GLIS3: variants seen among roughly 807,000 people sequenced by gnomAD.
GLIS3 encodes zinc finger protein GLIS3.
In GLIS3, 53 loss-of-function variants were observed where a neutral mutation model predicts 78.6. That is an observed-to-expected ratio of 0.67 (90% CI 0.54 to 0.85). GLIS3 has a LOEUF of 0.85. Among genes scored for constraint, GLIS3 ranks in the 40% least tolerant of loss-of-function variants. GLIS3 has a pLI of 0.00. For missense variants in GLIS3, 1,703 were observed against 1,231.1 expected (o/e 1.38, Z -5.74); for synonymous variants, 684 against 509.9 (o/e 1.34, Z -4.60).
intron 4 of GLIS3, among the ~76,000 whole-genome samples, chr9:4,045,822 T>A (rs1253941619): frequency 1.3e-5 from 2 of 152,116 alleles, no homozygotes; most frequent in African/African-American, 4.8e-5. Flanking sequence ...CCGTCAGATA[T>A]CTTTGAGTAC....
chr9:4,391,548 G>GGGGT, the GLIS3 span, among the ~76,000 whole-genome samples: 2 of 138,066 alleles, frequency 1.4e-5, no homozygotes, highest in Non-Finnish European at 3.0e-5. Flanking sequence ...CATTCTAAGA[G>GGGGT]GGGTGTGTGT....
chr9:4,384,879 G>A, the GLIS3 span, among the ~76,000 whole-genome samples: 3 of 152,024 alleles, frequency 2.0e-5, no homozygotes, highest in Admixed American at 1.3e-4. Context: ...GATCCAAACT[G>A]GGAACCTGGA....
At chr9:4,016,827 C>T (rs1488009101) in intron 4 of GLIS3, among the ~76,000 whole-genome samples, 1 of 152,156 alleles carries the variant, frequency 6.6e-6, no homozygotes, top group African/African-American at 2.4e-5. Flanking sequence ...AAAGCCACTA[C>T]AATCCTATTA....
rs759081727 is a variant in GLIS3, at chr9:4,118,080, C to A, written c.1398G>T (p.Ala466=). The change falls in exon 4 of 11, where the codon GCG becomes GCT. Residue 466 remains alanine, a synonymous_variant. Coordinates refer to ENST00000381971, the MANE Select transcript of GLIS3 (RefSeq NM_001042413.2). The surrounding 1 kb of genome is among the most constrained non-coding windows in gnomAD (Gnocchi z 4.7). The part of the protein sequence containing the change: ...PGPPPPYHAH[A]HLHHPELGPH... ...GCCCGAGCTCCGGGTGGTGAAGGTG[C>A]GCATGGGCATGGTAAGGGGGTGGGG... 4 of 1,546,220 alleles carry A rather than the reference C, an allele frequency of 2.6e-6. No individual in the cohort carries two copies. In the South Asian group the frequency reaches 3.6e-5, roughly 14 times the overall value.
intron 7 of GLIS3, among the ~76,000 whole-genome samples, chr9:3,883,829 T>C (rs899397335): frequency 6.6e-6 from 1 of 152,220 alleles, no homozygotes; most frequent in Non-Finnish European, 1.5e-5. Flanking sequence ...GAAATTCTTA[T>C]TGCTTTTGTG....
At chr9:3,882,771 AT>A (rs1483750073) in intron 7 of GLIS3, among the ~76,000 whole-genome samples, 1 of 152,196 alleles carries the variant, frequency 6.6e-6, no homozygotes, top group East Asian at 1.9e-4. Flanking sequence ...TTAGGGTTCA[AT>A]TTAAAAACTG....
the GLIS3 span, among the ~76,000 whole-genome samples, chr9:4,481,646 G>A: frequency 6.6e-6 from 1 of 151,998 alleles, no homozygotes; most frequent in African/African-American, 2.4e-5. Context: ...ATTATCTAGT[G>A]TACTTTTACA....
At chr9:4,423,704 C>G in the GLIS3 span, among the ~76,000 whole-genome samples, 1 of 152,154 alleles carries the variant, frequency 6.6e-6, no homozygotes, top group Non-Finnish European at 1.5e-5. Flanking sequence ...TGCACAAATG[C>G]CATAAGGGGT....
chr9:3,989,802 G>C (rs1372120705), intron 4 of GLIS3, among the ~76,000 whole-genome samples: 1 of 152,154 alleles, frequency 6.6e-6, no homozygotes. Context: ...GAAATGCTTA[G>C]TATCTCAACT....
chr9:4,298,831 C>T (rs535243432), intron 1 of GLIS3, among the ~76,000 whole-genome samples: 185 of 152,234 alleles, frequency 1.2e-3, no homozygotes, highest in Non-Finnish European at 1.7e-3. Flanking sequence ...ACCCTCAGCC[C>T]GACCACCTCC....
chr9:4,387,345 AGT>A, the GLIS3 span, among the ~76,000 whole-genome samples: 514 of 152,028 alleles, frequency 3.4e-3, 2 homozygotes, highest in African/African-American at 0.011. Context: ...CTTACATGAG[AGT>A]GTGACCAAAA....
chr9:4,477,965 T>C, the GLIS3 span, among the ~76,000 whole-genome samples: 47 of 152,220 alleles, frequency 3.1e-4, 1 homozygote, highest in Non-Finnish European at 1.8e-4. Flanking sequence ...CTAAGCCTTG[T>C]CCACTGAAAA....
At chr9:4,364,537 G>C in the GLIS3 span, among the ~76,000 whole-genome samples, 1 of 151,950 alleles carries the variant, frequency 6.6e-6, no homozygotes, top group Non-Finnish European at 1.5e-5. Context: ...ATAAAGTCAG[G>C]TTACAAAACA....
chr9:4,284,402 A>T (rs1000544272), intron 2 of GLIS3, among the ~76,000 whole-genome samples: 4 of 152,200 alleles, frequency 2.6e-5, no homozygotes, highest in Non-Finnish European at 5.9e-5. Context: ...AAAAGGCTTT[A>T]TCGGGCCTCA....
chr9:4,451,526 C>T, the GLIS3 span, among the ~76,000 whole-genome samples: 2 of 152,284 alleles, frequency 1.3e-5, no homozygotes, highest in East Asian at 3.9e-4. Context: ...AACTCTCCAC[C>T]CCATATCAAC....
intron 7 of GLIS3, among the ~76,000 whole-genome samples, chr9:3,885,781 C>G (rs914975228): frequency 6.6e-6 from 1 of 152,200 alleles, no homozygotes; most frequent in African/African-American, 2.4e-5. Flanking sequence ...AATTCTGATT[C>G]CCTCAGCCTC....
the GLIS3 span, among the ~76,000 whole-genome samples, chr9:4,408,452 G>A: frequency 0.012 from 1,867 of 151,402 alleles, 47 homozygotes; most frequent in African/African-American, 0.043. Context: ...AAAATAGGCC[G>A]GGCACCTTGG....
the GLIS3 span, among the ~76,000 whole-genome samples, chr9:4,453,855 G>A: frequency 2.0e-5 from 3 of 152,160 alleles, no homozygotes; most frequent in East Asian, 5.8e-4. Context: ...TCATGGGGTG[G>A]GAGGAAGGGG....
intron 2 of GLIS3, among the ~76,000 whole-genome samples, chr9:4,186,797 C>G (rs1209443233): frequency 6.6e-6 from 1 of 152,104 alleles, no homozygotes. Flanking sequence ...TAAATGTCTT[C>G]TTTTGAGAAG....
Sources: gnomAD v4.1 joint callset for allele counts (sites outside exome capture counted in the v4.1 genomes callset) on GRCh38, gnomAD v4.1.1 for gene constraint, Gnocchi (gnomAD v3.1) non-coding constraint, MANE v1.5 for transcripts, NCBI Gene and HGNC (gene_info 2026-07-23, HGNC 2026-07-21) for gene names.